CNTNAP2: variants seen among roughly 807,000 people sequenced by gnomAD.
The protein encoded by CNTNAP2 is contactin associated protein 2.
In CNTNAP2, 98 loss-of-function variants were observed where a neutral mutation model predicts 155.2. The observed-to-expected ratio is 0.63, with a 90% CI of 0.54 to 0.75. The LOEUF (loss-of-function observed/expected upper bound fraction) is 0.75. Among genes scored for constraint, CNTNAP2 ranks in the 30% least tolerant of loss-of-function variants. CNTNAP2 has a pLI of 0.00. For synonymous variants in CNTNAP2, 651 were observed against 631.2 expected, an observed-to-expected ratio of 1.03 and a Z score of -0.47; for missense variants, 1,727 against 1,688.1, an observed-to-expected ratio of 1.02 and a Z score of -0.40.
intron 13 of CNTNAP2, among the ~76,000 whole-genome samples, chr7:147,683,502 T>C (rs1795976486): frequency 6.6e-6 from 1 of 151,908 alleles, no homozygotes; most frequent in African/African-American, 2.4e-5. Context: ...TTATTTTTCT[T>C]ACTTTAATCA....
intron 3 of CNTNAP2, among the ~76,000 whole-genome samples, chr7:146,902,960 G>C (rs1796033700): frequency 6.6e-6 from 1 of 152,202 alleles, no homozygotes; most frequent in Non-Finnish European, 1.5e-5. Context: ...TGACTGGTCA[G>C]AACTACTCGA....
intron 21 of CNTNAP2, among the ~76,000 whole-genome samples, chr7:148,356,872 TA>T (rs1465806442): frequency 1.3e-5 from 2 of 151,690 alleles, no homozygotes; most frequent in African/African-American, 4.9e-5. Flanking sequence ...TCGAAAATTT[TA>T]TGTTGTTTTC....
intron 3 of CNTNAP2, among the ~76,000 whole-genome samples, chr7:147,041,899 A>C (rs1228961354): frequency 1.3e-5 from 2 of 152,188 alleles, no homozygotes; most frequent in Non-Finnish European, 2.9e-5. Flanking sequence ...AATTCAAGTG[A>C]TTTTGGTCAA....
intron 1 of CNTNAP2, among the ~76,000 whole-genome samples, chr7:146,456,674 A>G (rs1015240696): frequency 6.6e-6 from 1 of 152,146 alleles, no homozygotes; most frequent in Non-Finnish European, 1.5e-5. Context: ...GCCTCACATC[A>G]GTTTTTCCAG....
intron 15 of CNTNAP2, among the ~76,000 whole-genome samples, chr7:147,982,820 A>G (rs998338134): frequency 1.3e-5 from 2 of 151,860 alleles, no homozygotes. Context: ...GAGTTCGAGG[A>G]CAGCCTGGCC....
At chr7:147,577,146 C>A (rs149109859) in intron 12 of CNTNAP2, among the ~76,000 whole-genome samples, 10 of 152,126 alleles carry the variant, frequency 6.6e-5, no homozygotes, top group Non-Finnish European at 1.2e-4. Flanking sequence ...TTGTAACATG[C>A]TATAAAGGGT....
At chr7:148,039,566 G>A (rs1212759330) in intron 15 of CNTNAP2, among the ~76,000 whole-genome samples, 7 of 152,176 alleles carry the variant, frequency 4.6e-5, no homozygotes, top group African/African-American at 1.2e-4. Context: ...TTTACCTCCA[G>A]GTCATGTGGT....
intron 8 of CNTNAP2, among the ~76,000 whole-genome samples, chr7:147,143,553 T>C (rs928910650): frequency 1.3e-5 from 2 of 152,168 alleles, no homozygotes; most frequent in Non-Finnish European, 2.9e-5. Context: ...GGCATGTTTC[T>C]AGATATCCAG....
intron 13 of CNTNAP2, among the ~76,000 whole-genome samples, chr7:147,811,935 C>T (rs1306359584): frequency 2.0e-5 from 3 of 151,882 alleles, no homozygotes; most frequent in African/African-American, 4.8e-5. Context: ...AAATACTAAA[C>T]GCAAGAACAT....
intron 11 of CNTNAP2, among the ~76,000 whole-genome samples, chr7:147,509,313 C>CA (rs1407631078): frequency 3.9e-5 from 6 of 152,034 alleles, no homozygotes; most frequent in Non-Finnish European, 7.4e-5. Flanking sequence ...TTTTTGATGT[C>CA]AAAAAATATC....
chr7:146,675,336 A>G (rs1258313239), intron 1 of CNTNAP2, among the ~76,000 whole-genome samples: 1 of 152,126 alleles, frequency 6.6e-6, no homozygotes, highest in African/African-American at 2.4e-5. Context: ...ACATTTACTA[A>G]AAAAACCTGA....
chr7:146,941,666 A>T (rs1433235461), intron 3 of CNTNAP2, among the ~76,000 whole-genome samples: 2 of 152,108 alleles, frequency 1.3e-5, no homozygotes, highest in Admixed American at 1.3e-4. Flanking sequence ...CATTTCTTCT[A>T]ACACAGGTTT....
chr7:146,882,746 C>T (rs1212970841), intron 3 of CNTNAP2, among the ~76,000 whole-genome samples: 2 of 152,028 alleles, frequency 1.3e-5, no homozygotes, highest in Non-Finnish European at 1.5e-5. Flanking sequence ...TAGTGCTGTA[C>T]AAAAATAAGT....
intron 8 of CNTNAP2, among the ~76,000 whole-genome samples, chr7:147,153,945 G>A (rs1420409416): frequency 1.3e-5 from 2 of 152,104 alleles, no homozygotes; most frequent in Non-Finnish European, 2.9e-5. Context: ...AGTATAAGTT[G>A]AAGGCAATTT....
At chr7:147,742,728 C>T (rs575669208) in intron 13 of CNTNAP2, among the ~76,000 whole-genome samples, 1 of 152,276 alleles carries the variant, frequency 6.6e-6, no homozygotes, top group African/African-American at 2.4e-5. Flanking sequence ...GAAAATATAT[C>T]TTAAACTAGT....
At chr7:147,340,324 T>C (rs978072011) in intron 9 of CNTNAP2, among the ~76,000 whole-genome samples, 12 of 152,170 alleles carry the variant, frequency 7.9e-5, no homozygotes, top group Non-Finnish European at 1.6e-4. Flanking sequence ...CAAATATGTG[T>C]CCTTTATGTA....
At chr7:146,334,563 A>G (rs1381716451) in intron 1 of CNTNAP2, among the ~76,000 whole-genome samples, 1 of 145,240 alleles carries the variant, frequency 6.9e-6, no homozygotes, top group Non-Finnish European at 1.5e-5. Context: ...TTGAAAAATA[A>G]AAGGTTATGA....
chr7:146,761,876 T>A (rs1195088889), intron 1 of CNTNAP2, among the ~76,000 whole-genome samples: 1 of 152,056 alleles, frequency 6.6e-6, no homozygotes, highest in Admixed American at 6.6e-5. Context: ...TGAGGAGAAA[T>A]GAATTCAGAT....
rs528900394 is a variant in CNTNAP2 at position 146,290,985 on chromosome 7, G to A, written c.97+174012G>A. On this transcript the variant is annotated intron_variant, in intron 1 of 23. Transcript: ENST00000361727. ...ACCGTAATTCCTTCCTCAAACGGAG[G>A]CAACAGAAATTGCAGTAGAGTTCCC... Among the ~76,000 whole-genome samples, 28 of 152,264 alleles carry A rather than the reference G, an allele frequency of 1.8e-4. 1 individual carries two copies. The highest frequency in any genetic ancestry group is 5.9e-4 in the Admixed American group (9 of 15,294).
Sources: gnomAD v4.1 joint callset for allele counts (sites outside exome capture counted in the v4.1 genomes callset) on GRCh38, gnomAD v4.1.1 for gene constraint, MANE v1.5 for transcripts, NCBI Gene and HGNC (gene_info 2026-07-23, HGNC 2026-07-21) for gene names.